The following MYO6 variants were observed in gnomAD, a reference collection of about 807,000 sequenced individuals.
MYO6 encodes the protein unconventional myosin-VI.
Under a neutral mutation model 178.7 loss-of-function variants are expected in MYO6, and 74 were observed. That is an observed-to-expected ratio of 0.41 (90% confidence interval 0.34 to 0.50). MYO6 has a LOEUF of 0.50. Among genes scored for constraint, MYO6 ranks in the 20% least tolerant of loss-of-function variants. The pLI, the probability that MYO6 is intolerant of heterozygous loss-of-function variation, is 0.09. For synonymous variants in MYO6, 477 were observed against 504.6 expected (o/e 0.95, Z 0.73); for missense variants, 1,330 against 1,547.4 (o/e 0.86, Z 2.36).
intron 33 of MYO6, 65 bp from the exon 34 acceptor site, chr6:75,913,998 A>T: frequency 1.4e-6 from 2 of 1,446,036 alleles, no homozygotes; most frequent in South Asian, 1.2e-5. Context: ...GGTATATTTT[A>T]GGATTAAAGG....
rs1171639480 is a variant in MYO6, at chr6:75,890,124, T to A, written c.2726T>A (p.Leu909His). The A allele has an allele frequency of 3.7e-6, 6 of 1,612,510 alleles. No homozygotes were observed. The highest frequency in any genetic ancestry group is 1.7e-5 in the Admixed American group (1 of 59,844). ...YDALVKSSEE[L>H]LSALQKKKQQ... ...GCACTGGTTAAAAGCTCAGAGGAAC[T>A]CCTCAGTGCATTACAGAAAAAAAAA... Residue 909 changes from leucine (L) to histidine (H), a missense_variant, in exon 26 of 35, where the codon CTC becomes CAC. Around this residue, in one of 3 missense-constraint regions of MYO6, gnomAD observed 601 missense variants for 626.1 expected, o/e 0.96. Coordinates refer to ENST00000369977, the MANE Select transcript of MYO6 (RefSeq NM_004999.4).
chr6:75,904,453 C>G (rs1780100076), intron 30 of MYO6, among the ~76,000 whole-genome samples: 1 of 145,688 alleles, frequency 6.9e-6, no homozygotes, highest in Non-Finnish European at 1.5e-5. Flanking sequence ...CTCTAAACTT[C>G]CCTTCTTGCT....
intron 5 of MYO6, among the ~76,000 whole-genome samples, chr6:75,831,575 C>T (rs538043341): frequency 5.3e-5 from 8 of 151,960 alleles, no homozygotes; most frequent in Non-Finnish European, 2.9e-5. Context: ...CTTTTTACTG[C>T]GAAAAAACAA....
intron 1 of MYO6, among the ~76,000 whole-genome samples, chr6:75,784,539 C>G (rs922315819): frequency 6.6e-6 from 1 of 151,388 alleles, no homozygotes; most frequent in Non-Finnish European, 1.5e-5. Flanking sequence ...TTTGGGAGGC[C>G]GAGGTGGGCA....
At chr6:75,839,235 C>G (rs1200599065) in intron 7 of MYO6, among the ~76,000 whole-genome samples, 2 of 152,022 alleles carry the variant, frequency 1.3e-5, no homozygotes, top group Non-Finnish European at 2.9e-5. Flanking sequence ...GTCTCCCAGG[C>G]TGGAGTGCAG....
intron 18 of MYO6, among the ~76,000 whole-genome samples, chr6:75,869,095 TTG>T (rs1491059679): frequency 4.0e-4 from 54 of 135,178 alleles, no homozygotes; most frequent in African/African-American, 9.0e-4. Context: ...TTTTTTTTTT[TTG>T]GAGAATACTG....
At chr6:75,883,886 A>G (rs756533123) in intron 23 of MYO6, among the ~76,000 whole-genome samples, 1 of 152,194 alleles carries the variant, frequency 6.6e-6, no homozygotes, top group Non-Finnish European at 1.5e-5. Flanking sequence ...CCTAATGAAA[A>G]AGAATCATGC....
Position 75,890,274 on chromosome 6 carries a change from T to G in MYO6, c.2867+9T>G, listed in dbSNP as rs960517214. On this transcript the variant is annotated intron_variant, in intron 26 of 34. Transcript: ENST00000369977. ...GAGGAGGAAAGGCGGATGTGAGGCA[T>G]TTATATTATTTTGAATAAGAGACTT... 6.8e-6 allele frequency: 11 copies of G among 1,613,290 alleles called. No homozygotes were observed. The highest frequency in any genetic ancestry group is 8.5e-6 in the Non-Finnish European group (10 of 1,179,508).
intron 1 of MYO6, among the ~76,000 whole-genome samples, chr6:75,790,915 C>T (rs920628657): frequency 6.6e-6 from 1 of 151,958 alleles, no homozygotes; most frequent in Admixed American, 6.6e-5. Context: ...TTTTTTCCCT[C>T]ATAGTAATAT....
intron 1 of MYO6, among the ~76,000 whole-genome samples, chr6:75,799,934 A>G (rs1025504015): frequency 1.3e-5 from 2 of 152,016 alleles, no homozygotes; most frequent in Non-Finnish European, 2.9e-5. Flanking sequence ...ATTAATTCCA[A>G]TTCTTTTAAT....
chr6:75,836,431 T>G (rs12212604), intron 7 of MYO6, among the ~76,000 whole-genome samples: 19,780 of 152,140 alleles, frequency 0.13, 1,359 homozygotes, highest in Non-Finnish European at 0.15. Context: ...TACCTCAGTT[T>G]GGAGACTGCT....
chr6:75,817,645 C>T lies in MYO6; in HGVS notation c.98C>T (p.Pro33Leu), dbSNP rs767721621. Reference protein sequence around the residue: ...DIGPDSLTIEPLNQKGKTFLA... With the variant: ...DIGPDSLTIELLNQKGKTFLA... ...GGCCCCGACAGCTTAACAATTGAACCCTTGAATCAGAAAGGCAAGGTGAGT... is the reference window on the plus strand; with the variant it reads ...GGCCCCGACAGCTTAACAATTGAACTCTTGAATCAGAAAGGCAAGGTGAGT... Residue 33 changes from proline to leucine, a missense_variant, in exon 2 of 35, where the codon CCC (proline) becomes CTC (leucine). By Grantham distance (98) the Pro-to-Leu change is moderately conservative. Transcript: ENST00000369977. The T allele has an allele frequency of 6.2e-7, 1 of 1,613,926 alleles. No individual in the cohort carries two copies. The highest frequency in any genetic ancestry group is 8.5e-7 in the Non-Finnish European group (1 of 1,179,852).
At chr6:75,793,665 T>G (rs1768482715) in intron 1 of MYO6, among the ~76,000 whole-genome samples, 1 of 152,164 alleles carries the variant, frequency 6.6e-6, no homozygotes, top group South Asian at 2.1e-4. Flanking sequence ...TTATTAAACA[T>G]TCCCAAGGCA....
At chr6:75,882,476 TC>T (rs1421406954) in intron 23 of MYO6, among the ~76,000 whole-genome samples, 1 of 151,926 alleles carries the variant, frequency 6.6e-6, no homozygotes, top group Non-Finnish European at 1.5e-5. Flanking sequence ...TTCAGTCTCT[TC>T]CCCCACCATC....
intron 1 of MYO6, among the ~76,000 whole-genome samples, chr6:75,785,032 T>A (rs1767396661): frequency 6.6e-6 from 1 of 152,242 alleles, no homozygotes; most frequent in South Asian, 2.1e-4. Flanking sequence ...ATAGTGTTTT[T>A]AATTAAGTAA....
Position 75,857,057 on chromosome 6 carries a change from T to A in MYO6, c.1224-40T>A, listed in dbSNP as rs74891993. 3.7e-5 allele frequency: 59 copies of A among 1,603,710 alleles called. No homozygotes were observed. The East Asian group carries it at 1.3e-3, about 35-fold the overall frequency. ...ACTCTGTGGCATTTTCACAGTGCACTATTATAAAGAATTTTTACTAGCATA... is the reference window on the plus strand; with the variant it reads ...ACTCTGTGGCATTTTCACAGTGCACAATTATAAAGAATTTTTACTAGCATA... On this transcript the variant is annotated intron_variant, in intron 12 of 34. Transcript: ENST00000369977.
chr6:75,875,870 C>A (rs1777532782), intron 20 of MYO6, among the ~76,000 whole-genome samples: 1 of 152,214 alleles, frequency 6.6e-6, no homozygotes, highest in Admixed American at 6.5e-5. Context: ...CACAACTCAT[C>A]TCTAATCATC....
rs146665729 is a variant in MYO6 at position 75,855,234 on chromosome 6, A to G, written c.1174A>G (p.Thr392Ala). Residue 392 changes from threonine (T) to alanine (A), a missense_variant, in exon 12 of 35, where the codon ACA (threonine) becomes GCA (alanine). Physicochemically the swap from Thr to Ala is moderately conservative, Grantham distance 58 (BLOSUM62 0). This residue lies in a region of MYO6 where 613 missense variants were observed against 816.8 expected (regional missense o/e 0.75). Transcript: ENST00000369977. ...DQDDLRVSLTTRVMLTTAGGT... is the reference protein window; with the variant it reads ...DQDDLRVSLTARVMLTTAGGT... ...AGATGATCTTCGAGTAAGTTTGACC[A>G]CAAGAGTCATGCTAACAACAGCAGG... 13 of 1,613,616 alleles carry G rather than the reference A, an allele frequency of 8.1e-6. No homozygotes were observed. Among genetic ancestry groups the G allele is most frequent in the Admixed American group, 3.3e-5 (2 of 59,964 alleles).
At chr6:75,806,980 T>A (rs1770166105) in intron 1 of MYO6, among the ~76,000 whole-genome samples, 1 of 152,150 alleles carries the variant, frequency 6.6e-6, no homozygotes. Context: ...AGAGCTGGTC[T>A]CAGCACAGAT....
Sources: allele counts gnomAD v4.1 joint callset (sites outside exome capture counted in the v4.1 genomes callset), GRCh38; gene constraint gnomAD v4.1.1; regional missense constraint gnomAD v4.1.1; transcripts MANE v1.5; gene names NCBI Gene and HGNC (gene_info 2026-07-23, HGNC 2026-07-21).